SMARCC1: variants seen among roughly 807,000 people sequenced by gnomAD.
SMARCC1 encodes the protein SWI/SNF complex subunit SMARCC1.
SMARCC1 carries 43 observed loss-of-function variants against 147.4 expected under a neutral mutation model. The observed-to-expected ratio is 0.29, with a 90% CI of 0.23 to 0.38. The LOEUF is 0.38. SMARCC1 is among the 10% of genes least tolerant of loss of function. The pLI, the probability that SMARCC1 is intolerant of heterozygous loss-of-function variation, is 1.00. For synonymous variants in SMARCC1, 495 were observed against 484.4 expected, an observed-to-expected ratio of 1.02 and a Z score of -0.29; for missense variants, 1,119 against 1,381.1, an observed-to-expected ratio of 0.81 and a Z score of 3.01.
intron 25 of SMARCC1, among the ~76,000 whole-genome samples, chr3:47,615,999 T>C (rs2032637692): frequency 6.6e-6 from 1 of 152,164 alleles, no homozygotes; most frequent in East Asian, 1.9e-4. Flanking sequence ...AGGTATAAAA[T>C]TTCTATACCT....
At chr3:47,730,315 T>G (rs1371278640) in intron 5 of SMARCC1, among the ~76,000 whole-genome samples, 1 of 152,160 alleles carries the variant, frequency 6.6e-6, no homozygotes, top group Non-Finnish European at 1.5e-5. Flanking sequence ...CAGTGAGACC[T>G]TGTCTCAAAT....
At chr3:47,754,292 T>G (rs1417904068) in intron 2 of SMARCC1, among the ~76,000 whole-genome samples, 1 of 151,458 alleles carries the variant, frequency 6.6e-6, no homozygotes. Flanking sequence ...AACCTCCGCC[T>G]CCCAGGTTCA....
At chr3:47,735,998 G>T in intron 5 of SMARCC1, 36 bp downstream of exon 5, 1 of 927,652 alleles carries the variant, frequency 1.1e-6, no homozygotes, top group Non-Finnish European at 1.7e-6. Context: ...TGAAGTGATC[G>T]TGTCTATTAT....
intron 25 of SMARCC1, among the ~76,000 whole-genome samples, chr3:47,611,262 G>T (rs1339202338): frequency 6.6e-6 from 1 of 152,166 alleles, no homozygotes; most frequent in African/African-American, 2.4e-5. Flanking sequence ...CATTTTGATA[G>T]AAAAATCTAA....
At chr3:47,706,573 C>T in intron 9 of SMARCC1, 43 bp from the exon 10 acceptor site, 2 of 1,491,882 alleles carry the variant, frequency 1.3e-6, no homozygotes, top group Non-Finnish European at 8.9e-7. Flanking sequence ...TATCTTTGCT[C>T]CTCAGTTTCT....
At chr3:47,644,806 C>A (rs150949812) in intron 21 of SMARCC1, among the ~76,000 whole-genome samples, 2 of 152,174 alleles carry the variant, frequency 1.3e-5, no homozygotes, top group Non-Finnish European at 2.9e-5. Flanking sequence ...CCGTGCCCAG[C>A]CAAGAATAAC....
intron 5 of SMARCC1, among the ~76,000 whole-genome samples, chr3:47,732,016 A>C (rs1162318785): frequency 6.6e-6 from 1 of 152,186 alleles, no homozygotes; most frequent in African/African-American, 2.4e-5. Flanking sequence ...ATCTTATTTT[A>C]ATAGAAGACT....
chr3:47,672,888 C>A (rs917856843), intron 18 of SMARCC1, among the ~76,000 whole-genome samples: 5 of 151,992 alleles, frequency 3.3e-5, no homozygotes, highest in African/African-American at 1.2e-4. Context: ...AAGCGACTCT[C>A]GAGCTTCAGC....
intron 25 of SMARCC1, among the ~76,000 whole-genome samples, chr3:47,619,016 C>A (rs2032689024): frequency 6.6e-6 from 1 of 152,100 alleles, no homozygotes; most frequent in Non-Finnish European, 1.5e-5. Flanking sequence ...TTACTCCAGG[C>A]CCTCTAAGAA....
At chr3:47,640,562 CTT>C (rs2033036104) in intron 21 of SMARCC1, among the ~76,000 whole-genome samples, 1 of 152,066 alleles carries the variant, frequency 6.6e-6, no homozygotes, top group Non-Finnish European at 1.5e-5. Context: ...CCTGAATTGT[CTT>C]TACATTAGTC....
At chr3:47,637,860 A>G (rs1576395241) in intron 22 of SMARCC1, among the ~76,000 whole-genome samples, 1 of 152,274 alleles carries the variant, frequency 6.6e-6, no homozygotes, top group East Asian at 1.9e-4. Context: ...CACTGGCTTT[A>G]GTGTCTCTCC....
intron 15 of SMARCC1, among the ~76,000 whole-genome samples, chr3:47,678,915 G>A (rs144895093): frequency 6.6e-6 from 1 of 152,272 alleles, no homozygotes; most frequent in African/African-American, 2.4e-5. Flanking sequence ...ATGTGGATTT[G>A]GCTCTGCAAA....
intron 1 of SMARCC1, among the ~76,000 whole-genome samples, chr3:47,773,786 A>G (rs888525935): frequency 1.3e-5 from 2 of 151,546 alleles, no homozygotes; most frequent in Admixed American, 6.6e-5. Context: ...CGCAACCACC[A>G]TGCCCGGCTA....
chr3:47,622,345 A>C lies in SMARCC1; in HGVS notation c.2647-4T>G. On this transcript the variant is annotated splice_polypyrimidine_tract_variant and splice_region_variant and intron_variant, in intron 24 of 27. Transcript: ENST00000254480. Reference sequence around the variant, plus strand: ...TTTCTTCCACTGCAGCCAGGTGCTAAGGGTACAAGATCATTCAAGCTATTT... The same window carrying C: ...TTTCTTCCACTGCAGCCAGGTGCTACGGGTACAAGATCATTCAAGCTATTT... The C allele has an allele frequency of 6.2e-7, 1 of 1,613,576 alleles. No individual in the cohort carries two copies. The highest frequency in any genetic ancestry group is 8.5e-7 in the Non-Finnish European group (1 of 1,179,718).
Position 47,631,413 on chromosome 3 carries a change from CAA to C in SMARCC1, c.2646+3775_2646+3776del. On this transcript the variant is annotated intron_variant, in intron 24 of 27. Transcript: ENST00000254480. Reference sequence around the variant, plus strand: ...GAAGAACTGAACCTACTACTGCTGACAAAAAGAGAACATGCTCTAATATGGGG... The same window carrying C: ...GAAGAACTGAACCTACTACTGCTGACAAAGAGAACATGCTCTAATATGGGG... Among the ~76,000 whole-genome samples, 2 of 152,224 alleles carry C rather than the reference CAA, an allele frequency of 1.3e-5. 1 individual carries two copies. The highest frequency in any genetic ancestry group is 2.9e-5 in the Non-Finnish European group (2 of 68,008).
chr3:47,750,709 A>G (rs993614485), intron 2 of SMARCC1, among the ~76,000 whole-genome samples: 6 of 152,168 alleles, frequency 3.9e-5, no homozygotes, highest in South Asian at 2.1e-4. Context: ...ACCTGACAAC[A>G]TAGGTAATCT....
intron 21 of SMARCC1, among the ~76,000 whole-genome samples, chr3:47,657,136 T>C (rs879656626): frequency 2.0e-5 from 3 of 151,916 alleles, no homozygotes; most frequent in Admixed American, 6.5e-5. Flanking sequence ...AAAACAGAAC[T>C]GAAGGAAGAA....
chr3:47,730,814 C>G (rs140720624), intron 5 of SMARCC1, among the ~76,000 whole-genome samples: 1 of 150,664 alleles, frequency 6.6e-6, no homozygotes, highest in Non-Finnish European at 1.5e-5. Flanking sequence ...TGCAGTGAGC[C>G]GAGATTGCGC....
intron 2 of SMARCC1, among the ~76,000 whole-genome samples, chr3:47,749,071 G>A (rs534875520): frequency 6.6e-5 from 10 of 151,066 alleles, no homozygotes; most frequent in Non-Finnish European, 8.9e-5. Context: ...GGGAGGCCGA[G>A]TTGGGTTGAT....
Sources: allele counts gnomAD v4.1 joint callset (sites outside exome capture counted in the v4.1 genomes callset), GRCh38; gene constraint gnomAD v4.1.1; transcripts MANE v1.5; gene names NCBI Gene and HGNC (gene_info 2026-07-23, HGNC 2026-07-21).